ZSWIM5: variants seen among roughly 807,000 people sequenced by gnomAD.
ZSWIM5 encodes the protein zinc finger SWIM domain-containing protein 5.
A neutral mutation model predicts 119.6 loss-of-function variants in ZSWIM5; 55 were observed. The observed-to-expected ratio is 0.46, with a 90% CI of 0.37 to 0.58. The LOEUF (loss-of-function observed/expected upper bound fraction) is 0.58, where lower values mean the gene tolerates loss of function less well. Ranked by LOEUF, ZSWIM5 falls within the 20% of genes least tolerant of loss-of-function variation. The probability of loss-of-function intolerance (pLI) is 0.00; values close to 1 mark genes in which losing one functional copy is unlikely to be tolerated. For synonymous variants in ZSWIM5, 537 were observed against 606.9 expected, an observed-to-expected ratio of 0.88 and a Z score of 1.69; for missense variants, 1,193 against 1,512.8, an observed-to-expected ratio of 0.79 and a Z score of 3.51.
intron 11 of ZSWIM5, among the ~76,000 whole-genome samples, chr1:45,032,582 T>G (rs1644959596): frequency 1.3e-5 from 2 of 149,220 alleles, no homozygotes; most frequent in Non-Finnish European, 3.0e-5. Context: ...GCTTCCCAGG[T>G]TCAAGCGATC....
At chr1:45,151,247 T>C (rs555708024) in intron 1 of ZSWIM5, among the ~76,000 whole-genome samples, 2 of 152,022 alleles carry the variant, frequency 1.3e-5, no homozygotes, top group South Asian at 2.1e-4. Flanking sequence ...TATATATTTA[T>C]ATATACTTAA....
At chr1:45,070,257 C>T in intron 2 of ZSWIM5, 7 of 1,470,424 alleles carry the variant, frequency 4.8e-6, no homozygotes, top group Non-Finnish European at 5.7e-6. Context: ...AGAACCAACA[C>T]TTGGAGGTTC....
intron 1 of ZSWIM5, among the ~76,000 whole-genome samples, chr1:45,139,316 G>A (rs1255040003): frequency 6.6e-6 from 1 of 151,826 alleles, no homozygotes; most frequent in Non-Finnish European, 1.5e-5. Flanking sequence ...TACTAGCTGG[G>A]ACTACAGACG....
At chr1:45,079,883 C>T (rs1023510735) in intron 2 of ZSWIM5, among the ~76,000 whole-genome samples, 1 of 152,120 alleles carries the variant, frequency 6.6e-6, no homozygotes, top group African/African-American at 2.4e-5. Context: ...GCAGCAGGTT[C>T]CTTTCTGGCC....
intron 1 of ZSWIM5, among the ~76,000 whole-genome samples, chr1:45,176,178 T>C (rs1444058235): frequency 1.3e-5 from 2 of 150,246 alleles, no homozygotes; most frequent in Admixed American, 6.7e-5. Flanking sequence ...CAATATATAC[T>C]AAAAACCATG....
intron 1 of ZSWIM5, among the ~76,000 whole-genome samples, chr1:45,178,719 T>C (rs1645996050): frequency 6.6e-6 from 1 of 152,124 alleles, no homozygotes; most frequent in Admixed American, 6.6e-5. Context: ...TTAATTGTAT[T>C]AGTATTGTGA....
At chr1:45,022,223 C>T (rs1644892088) in intron 11 of ZSWIM5, among the ~76,000 whole-genome samples, 1 of 151,424 alleles carries the variant, frequency 6.6e-6, no homozygotes, top group African/African-American at 2.4e-5. Context: ...CTCCGCCTCC[C>T]AGGTTCATGC....
At chr1:45,179,442 A>G (rs1646001169) in intron 1 of ZSWIM5, among the ~76,000 whole-genome samples, 1 of 152,108 alleles carries the variant, frequency 6.6e-6, no homozygotes, top group Admixed American at 6.6e-5. Flanking sequence ...GATGAATACA[A>G]CATAGGGAAG....
chr1:45,064,666 A>G (rs1645172839), intron 2 of ZSWIM5, among the ~76,000 whole-genome samples: 1 of 152,216 alleles, frequency 6.6e-6, no homozygotes, highest in East Asian at 1.9e-4. Context: ...CACAACACAT[A>G]GAAAGGTGCC....
At chr1:45,024,651 ATTAT>A (rs1025501825) in intron 11 of ZSWIM5, among the ~76,000 whole-genome samples, 2 of 150,260 alleles carry the variant, frequency 1.3e-5, no homozygotes, top group Middle Eastern at 3.5e-3. Flanking sequence ...AATTATTATT[ATTAT>A]TTATTTATTT....
chr1:45,088,257 A>G lies in ZSWIM5; in HGVS notation c.596-20T>C. 2 of 1,512,152 alleles carry G rather than the reference A, an allele frequency of 1.3e-6. No homozygotes were observed. The highest frequency in any genetic ancestry group is 1.8e-6 in the Non-Finnish European group (2 of 1,117,140). 93.7% of individuals were successfully genotyped at this position (1,512,152 alleles called of 1,614,324 possible). ...GAAAGCCTAAGGAAACACAAAAGAA[A>G]CTGTGTTTAGAGATTCTAGAGTAAT... On this transcript the variant is annotated intron_variant, in intron 1 of 13. Coordinates refer to ENST00000359600, the MANE Select transcript of ZSWIM5 (RefSeq NM_020883.2). The surrounding 1 kb of genome is among the most constrained non-coding windows in gnomAD (Gnocchi z 4.2).
intron 1 of ZSWIM5, among the ~76,000 whole-genome samples, chr1:45,116,147 T>C (rs1645556423): frequency 6.6e-6 from 1 of 152,116 alleles, no homozygotes; most frequent in African/African-American, 2.4e-5. Context: ...GAGGGCTCTA[T>C]ATCTTTTCTT....
chr1:45,024,685 C>T (rs1329464831), intron 11 of ZSWIM5, among the ~76,000 whole-genome samples: 1 of 151,728 alleles, frequency 6.6e-6, no homozygotes, highest in African/African-American at 2.4e-5. Flanking sequence ...GACCAAGTCT[C>T]ACTCTGTCGC....
chr1:45,108,666 TTATAA>T (rs777734083), intron 1 of ZSWIM5, among the ~76,000 whole-genome samples: 6 of 151,734 alleles, frequency 4.0e-5, no homozygotes, highest in Non-Finnish European at 8.8e-5. Flanking sequence ...TATAATGATC[TTATAA>T]TAGTGTCTGG....
rs1644969292 is a variant in ZSWIM5, at chr1:45,034,235, G to A, written c.2449+77C>T. On this transcript the variant is annotated intron_variant, in intron 11 of 13. Transcript: ENST00000359600. ...AGGAGCTTCTCTTTCTCAGGAGACT[G>A]CAGGCCAAGCCTTTGACATGCCATG... The A allele has an allele frequency of 2.7e-6, 4 of 1,467,850 alleles. No individual in the cohort carries two copies. In the South Asian group the frequency reaches 5.7e-5, roughly 21 times the overall value. 90.9% of individuals were successfully genotyped at this position (1,467,850 alleles called of 1,614,324 possible). A position where few individuals can be genotyped will look rare whatever the true frequency, so the allele number is the denominator to read the frequency against.
chr1:45,133,427 C>A (rs929301716), intron 1 of ZSWIM5, among the ~76,000 whole-genome samples: 97 of 152,188 alleles, frequency 6.4e-4, no homozygotes, highest in African/African-American at 2.3e-3. Context: ...GAGAAGTGTC[C>A]ATTCATATCC....
chr1:45,034,661 C>T (rs1644972344), intron 10 of ZSWIM5, among the ~76,000 whole-genome samples, 192 bp from the exon 11 acceptor site: 1 of 152,180 alleles, frequency 6.6e-6, no homozygotes, highest in Admixed American at 6.5e-5. Context: ...GTACTCAACG[C>T]TGAATAGTTT....
intron 1 of ZSWIM5, among the ~76,000 whole-genome samples, chr1:45,191,095 C>T (rs1234710097): frequency 6.6e-6 from 1 of 151,514 alleles, no homozygotes; most frequent in African/African-American, 2.4e-5. Flanking sequence ...TACAGACGCC[C>T]GCCACCGCGC....
At chr1:45,131,117 T>C (rs1645653982) in intron 1 of ZSWIM5, among the ~76,000 whole-genome samples, 1 of 152,152 alleles carries the variant, frequency 6.6e-6, no homozygotes, top group African/African-American at 2.4e-5. Context: ...GAAATGAGTA[T>C]AGCTATAAAG....
Sources: gnomAD v4.1 joint callset for allele counts (sites outside exome capture counted in the v4.1 genomes callset) on GRCh38, gnomAD v4.1.1 for gene constraint, Gnocchi (gnomAD v3.1) non-coding constraint, MANE v1.5 for transcripts, NCBI Gene and HGNC (gene_info 2026-07-23, HGNC 2026-07-21) for gene names.